TSHZ2: variants seen among roughly 807,000 people sequenced by gnomAD.
The protein encoded by TSHZ2 is teashirt homolog 2.
TSHZ2 carries 21 observed loss-of-function variants against 74.4 expected under a neutral mutation model. The observed-to-expected ratio is 0.28, with a 90% CI of 0.20 to 0.41. The LOEUF is 0.41. Among genes scored for constraint, TSHZ2 ranks in the 10% least tolerant of loss-of-function variants. The pLI, the probability that TSHZ2 is intolerant of heterozygous loss-of-function variation, is 1.00. For synonymous variants in TSHZ2, 540 were observed against 515.3 expected, an observed-to-expected ratio of 1.05 and a Z score of -0.65; for missense variants, 1,244 against 1,293.5, an observed-to-expected ratio of 0.96 and a Z score of 0.59.
At chr20:53,106,391 C>CTTTTTTTTTTTTTTTTTT (rs71194458) in intron 1 of TSHZ2, among the ~76,000 whole-genome samples, 3 of 58,938 alleles carry the variant, frequency 5.1e-5, no homozygotes, top group African/African-American at 2.1e-4. Flanking sequence ...CTCACACTTT[C>CTTTTTTTTTTTTTTTTTT]TTTTTTTTTT....
chr20:53,138,332 A>T (rs561941683), intron 1 of TSHZ2, among the ~76,000 whole-genome samples: 1 of 151,732 alleles, frequency 6.6e-6, no homozygotes, highest in Non-Finnish European at 1.5e-5. Context: ...TGCAGTGAGC[A>T]GAGATCAAGC....
chr20:53,097,176 G>C (rs1234941555), intron 1 of TSHZ2, among the ~76,000 whole-genome samples: 3 of 152,114 alleles, frequency 2.0e-5, no homozygotes, highest in Non-Finnish European at 2.9e-5. Context: ...TGAGGGACAG[G>C]GTGGGAACAA....
At chr20:53,378,437 T>C (rs572911431) in intron 2 of TSHZ2, among the ~76,000 whole-genome samples, 1 of 151,456 alleles carries the variant, frequency 6.6e-6, no homozygotes, top group African/African-American at 2.4e-5. Flanking sequence ...TCATTCAAAA[T>C]CTCCCACACC....
At chr20:53,206,874 C>A (rs927022290) in intron 1 of TSHZ2, among the ~76,000 whole-genome samples, 17 of 152,148 alleles carry the variant, frequency 1.1e-4, no homozygotes, top group African/African-American at 3.9e-4. Flanking sequence ...TCAAGTCTTG[C>A]TAATTTGAAT....
At chr20:53,136,962 G>T (rs1987259789) in intron 1 of TSHZ2, among the ~76,000 whole-genome samples, 1 of 152,092 alleles carries the variant, frequency 6.6e-6, no homozygotes, top group African/African-American at 2.4e-5. Flanking sequence ...ATGAAGAAAA[G>T]AGATGATCGG....
chr20:53,365,064 CAG>C (rs1441842539), intron 2 of TSHZ2, among the ~76,000 whole-genome samples: 2 of 152,246 alleles, frequency 1.3e-5, no homozygotes, highest in African/African-American at 2.4e-5. Context: ...ATTCTTGAGA[CAG>C]GGGGATCATT....
Position 53,129,737 on chromosome 20 carries a change from G to A in TSHZ2, c.41-123762G>A, listed in dbSNP as rs915494555. ...GGTGCAAGTTTGGCTGTCAGTCTAC[G>A]CAGAGTGGCTCTGCGTGTCTTCTCC... On this transcript the variant is annotated intron_variant, in intron 1 of 2. Transcript: ENST00000371497. 7.2e-5 allele frequency among the ~76,000 whole-genome samples: 11 copies of A among 152,000 alleles called. No individual in the cohort carries two copies. The South Asian group carries it at 8.3e-4, about 11-fold the overall frequency.
At chr20:53,150,317 T>C (rs921451697) in intron 1 of TSHZ2, among the ~76,000 whole-genome samples, 4 of 152,204 alleles carry the variant, frequency 2.6e-5, no homozygotes, top group African/African-American at 9.6e-5. Flanking sequence ...ATTGCAAATC[T>C]AACCATGCTG....
Position 53,298,442 on chromosome 20 carries a change from T to C in TSHZ2, c.*8+41871T>C, listed in dbSNP as rs574239178. Among the ~76,000 whole-genome samples the C allele has an allele frequency of 1.8e-3, 273 of 152,166 alleles. 2 individuals carry two copies. Among genetic ancestry groups the C allele is most frequent in the African/African-American group, 6.3e-3 (260 of 41,500 alleles). On this transcript the variant is annotated intron_variant, in intron 2 of 2. Transcript: ENST00000371497. ...CATCAAGGACCCCACTCTGAAGAGGTGAACTTTTTTGCTGACACATGAATA... is the reference window on the plus strand; with the variant it reads ...CATCAAGGACCCCACTCTGAAGAGGCGAACTTTTTTGCTGACACATGAATA...
chr20:53,195,672 T>G (rs1319747050), intron 1 of TSHZ2, among the ~76,000 whole-genome samples: 1 of 152,214 alleles, frequency 6.6e-6, no homozygotes, highest in Non-Finnish European at 1.5e-5. Context: ...ATTCTCACTT[T>G]CCAGCATACA....
intron 2 of TSHZ2, among the ~76,000 whole-genome samples, chr20:53,459,088 A>G (rs145673696): frequency 0.19 from 29,071 of 151,950 alleles, 3,111 homozygotes; most frequent in South Asian, 0.36. Flanking sequence ...TCCGCTTGGT[A>G]CAGAGCTGAG....
chr20:53,302,180 T>G (rs938704177), intron 2 of TSHZ2, among the ~76,000 whole-genome samples: 7 of 152,184 alleles, frequency 4.6e-5, no homozygotes, highest in East Asian at 1.9e-4. Flanking sequence ...GATGCCAGGT[T>G]GCAGCCATTT....
chr20:53,067,553 C>T (rs1985030744), intron 1 of TSHZ2, among the ~76,000 whole-genome samples: 1 of 152,180 alleles, frequency 6.6e-6, no homozygotes, highest in Admixed American at 6.5e-5. Flanking sequence ...ATACATTTAG[C>T]AAATGTCCAT....
Position 52,990,782 on chromosome 20 carries a change from A to C in TSHZ2, c.40+17449A>C, listed in dbSNP as rs959115065. 6.6e-4 allele frequency among the ~76,000 whole-genome samples: 101 copies of C among 152,352 alleles called. 1 individual carries two copies. The highest frequency in any genetic ancestry group is 1.2e-3 in the Non-Finnish European group (79 of 68,030). Reference sequence around the variant, plus strand: ...TAGGTCCAGGGGGTAGAAATAAATAAGACAGAACTCCAATGTTTAGAAGGT... The same window carrying C: ...TAGGTCCAGGGGGTAGAAATAAATACGACAGAACTCCAATGTTTAGAAGGT... On this transcript the variant is annotated intron_variant, in intron 1 of 2. Transcript: ENST00000371497.
chr20:53,331,710 G>A (rs945760529), intron 2 of TSHZ2, among the ~76,000 whole-genome samples: 8 of 144,660 alleles, frequency 5.5e-5, no homozygotes, highest in African/African-American at 1.9e-4. Context: ...GTCCCCTAAG[G>A]AGACAGATGG....
chr20:53,299,478 TC>T (rs1991438445), intron 2 of TSHZ2, among the ~76,000 whole-genome samples: 2 of 152,246 alleles, frequency 1.3e-5, no homozygotes, highest in African/African-American at 4.8e-5. Flanking sequence ...AACTGTTCTG[TC>T]CCAAGTATAA....
At chr20:53,247,471 T>C (rs780495144) in intron 1 of TSHZ2, among the ~76,000 whole-genome samples, 2 of 152,222 alleles carry the variant, frequency 1.3e-5, no homozygotes, top group Non-Finnish European at 2.9e-5. Context: ...ATAGCTCAGC[T>C]TCCTTGAACA....
intron 2 of TSHZ2, among the ~76,000 whole-genome samples, chr20:53,448,146 G>A (rs780105406): frequency 3.9e-5 from 6 of 152,094 alleles, no homozygotes; most frequent in South Asian, 2.1e-4. Context: ...ATCTGACCTC[G>A]TGATCCGCCC....
chr20:53,278,077 G>A (rs1428826540), intron 2 of TSHZ2, among the ~76,000 whole-genome samples: 4 of 152,152 alleles, frequency 2.6e-5, no homozygotes, highest in African/African-American at 4.8e-5. Context: ...ACCATTTCAC[G>A]AGTGTTTATT....
Sources: allele counts gnomAD v4.1 joint callset (sites outside exome capture counted in the v4.1 genomes callset), GRCh38; gene constraint gnomAD v4.1.1; transcripts MANE v1.5; gene names NCBI Gene and HGNC (gene_info 2026-07-23, HGNC 2026-07-21).